Variants in RSPH1 observed in about 807,000 individuals in gnomAD.
RSPH1 encodes radial spoke head component 1.
RSPH1 carries 32 observed loss-of-function variants against 44.2 expected under a neutral mutation model. The observed-to-expected ratio is 0.72, with a 90% CI of 0.55 to 0.97. RSPH1 has a LOEUF of 0.97. Among genes scored for constraint, RSPH1 ranks in the 50% least tolerant of loss-of-function variants. The pLI is 0.00. For missense variants in RSPH1, 391 were observed against 398.7 expected, an observed-to-expected ratio of 0.98 and a Z score of 0.16; for synonymous variants, 134 against 147.3, an observed-to-expected ratio of 0.91 and a Z score of 0.65.
intron 6 of RSPH1, 54 bp from the exon 7 acceptor site, chr21:42,477,498 G>A: frequency 6.3e-7 from 1 of 1,586,716 alleles, no homozygotes; most frequent in Non-Finnish European, 8.6e-7. Context: ...TCTTGGTCTG[G>A]AATATTAAAA....
In RSPH1 at chr21:42,493,076, A is replaced by G. The variant is rs1450235468; in HGVS notation, c.58T>C (p.Tyr20His). 3.1e-6 allele frequency: 5 copies of G among 1,612,666 alleles called. No individual in the cohort carries two copies. The highest frequency in any genetic ancestry group is 4.2e-6 in the Non-Finnish European group (5 of 1,179,250). ...CCTGCCTCATTCCGACCCCCCTCAT[A>G]TTCCTGGGTAATGAAAATTGACACA... ...EEEGENDIGE[Y>H]EGGRNEAGER... The change falls in exon 2 of 9, where the codon TAT becomes CAT. Residue 20 changes from tyrosine (Y) to histidine (H), a missense_variant. By Grantham distance (83) the Tyr-to-His change is moderately conservative. Transcript: ENST00000291536.
chr21:42,478,247 G>A lies in RSPH1; in HGVS notation c.574-803C>T, dbSNP rs544092747. On this transcript the variant is annotated intron_variant, in intron 6 of 8. Transcript: ENST00000291536. ...TGGAACACTTCGCTGCCACATAGGT[G>A]ATAATACCGATGACAGAGAGGGGCA... Among the ~76,000 whole-genome samples the A allele has an allele frequency of 1.7e-4, 26 of 152,382 alleles. 1 individual carries two copies. Among genetic ancestry groups the A allele is most frequent in the Admixed American group, 1.6e-3 (25 of 15,310 alleles).
At chr21:42,485,534 C>T in intron 5 of RSPH1, 135 bp downstream of exon 5, 1 of 976,816 alleles carries the variant, frequency 1.0e-6, no homozygotes, top group Non-Finnish European at 1.5e-6. Flanking sequence ...GCACAGCTGT[C>T]CTGTTCTCCA....
intron 8 of RSPH1, among the ~76,000 whole-genome samples, chr21:42,473,491 A>T (rs911475258): frequency 5.5e-5 from 1 of 18,298 alleles, no homozygotes; most frequent in African/African-American, 1.2e-4. Flanking sequence ...TTCCATCTTA[A>T]AAAAAAAAAA....
intron 6 of RSPH1, among the ~76,000 whole-genome samples, chr21:42,481,092 G>A (rs993029640): frequency 8.5e-5 from 13 of 152,288 alleles, no homozygotes; most frequent in Non-Finnish European, 1.9e-4. Flanking sequence ...GTGGGGCCTG[G>A]TGGGAGGTGT....
chr21:42,487,945 C>T (rs896054442), intron 3 of RSPH1, among the ~76,000 whole-genome samples: 28 of 152,192 alleles, frequency 1.8e-4, no homozygotes, highest in African/African-American at 6.3e-4. Flanking sequence ...AGTGCATGTC[C>T]CCAGGGCGCG....
intron 8 of RSPH1, among the ~76,000 whole-genome samples, chr21:42,475,278 C>A (rs746889290): frequency 7.9e-5 from 12 of 152,164 alleles, no homozygotes; most frequent in Non-Finnish European, 1.3e-4. Flanking sequence ...TGAAACCATA[C>A]TCCTGTTAGT....
intron 4 of RSPH1, chr21:42,486,153 C>T (rs774895354): frequency 1.5e-5 from 9 of 582,978 alleles, no homozygotes; most frequent in Admixed American, 3.0e-5. Context: ...GACTCACGTG[C>T]TCTGCCCCAA....
chr21:42,496,042 G>T, intron 1 of RSPH1, 91 bp downstream of exon 1: 1 of 1,461,968 alleles, frequency 6.8e-7, no homozygotes, highest in Non-Finnish European at 9.6e-7. Context: ...CAGACCTCTG[G>T]TTTCTGCGCC....
Position 42,496,157 on chromosome 21 carries a change from C to A in RSPH1, c.30G>T (p.Glu10Asp). The change falls in exon 1 of 9, where the codon GAG becomes GAT. Residue 10 changes from glutamate to aspartate, a missense_variant. Coordinates refer to ENST00000291536, the MANE Select transcript of RSPH1 (RefSeq NM_080860.4). ...CCCCAATATCATTCTCTCCCTCCTC[C>A]TCCAACTCCTCCGAGCCCAGGTCCG... MSDLGSEEL[E>D]EEGENDIGEY... 6.2e-6 allele frequency: 10 copies of A among 1,614,186 alleles called. No individual in the cohort carries two copies. The highest frequency in any genetic ancestry group is 8.5e-6 in the Non-Finnish European group (10 of 1,180,016).
At chr21:42,489,265 CTGGTTGGTTGGT>C (rs746532824) in intron 3 of RSPH1, among the ~76,000 whole-genome samples, 3 of 130,826 alleles carry the variant, frequency 2.3e-5, no homozygotes, top group East Asian at 2.2e-4. Context: ...GGCTGGTTGG[CTGGTTGGTTGGT>C]TGGTTGGTTG....
chr21:42,493,448 G>A (rs1013869624), intron 1 of RSPH1, among the ~76,000 whole-genome samples: 5 of 152,154 alleles, frequency 3.3e-5, no homozygotes, highest in African/African-American at 7.2e-5. Context: ...TAGTACATGC[G>A]GGTAGAACAG....
At chr21:42,491,685 C>T (rs2054237490) in intron 3 of RSPH1, among the ~76,000 whole-genome samples, 1 of 152,214 alleles carries the variant, frequency 6.6e-6, no homozygotes, top group Non-Finnish European at 1.5e-5. Flanking sequence ...AACCCTCCAT[C>T]TTGGTCTCAG....
In RSPH1 at chr21:42,475,917, G is replaced by A. The variant is rs764562043; in HGVS notation, c.858C>T (p.Phe286=). The change falls in exon 8 of 9, where the codon TTC becomes TTT. Residue 286 remains phenylalanine, a synonymous_variant. Coordinates refer to ENST00000291536, the MANE Select transcript of RSPH1 (RefSeq NM_080860.4). The stretch of plus-strand genomic sequence containing the variant: ...CCTCACCCTCATCCATGTCATAGCG[G>A]AACTCCTCCTGGTCATACTCCCGGC... ...EESREYDQEE[F]RYDMDEGNIN... is the part of the protein sequence containing the mutation. The A allele has an allele frequency of 6.2e-7, 1 of 1,611,088 alleles. No individual in the cohort carries two copies. Among genetic ancestry groups the A allele is most frequent in the South Asian group, 1.1e-5 (1 of 90,588 alleles).
chr21:42,492,268 AG>A (rs1216529986), intron 3 of RSPH1, among the ~76,000 whole-genome samples: 10 of 152,244 alleles, frequency 6.6e-5, no homozygotes. Context: ...TTGGCCTGTA[AG>A]GACTTATGGC....
chr21:42,485,596 C>G, intron 5 of RSPH1, 73 bp downstream of exon 5: 1 of 1,564,950 alleles, frequency 6.4e-7, no homozygotes, highest in Non-Finnish European at 8.8e-7. Context: ...ATTCTCTGGT[C>G]ACACATTTGC....
Position 42,496,116 on chromosome 21 carries a change from T to C in RSPH1, c.54+17A>G. 1.2e-6 allele frequency: 2 copies of C among 1,614,038 alleles called. No individual in the cohort carries two copies. Among genetic ancestry groups the C allele is most frequent in the Non-Finnish European group, 1.7e-6 (2 of 1,179,960 alleles). ...GCTGCGCACCCTGGGAAGCCCTTTCTCACCAGGAGCTCTCACCCCAATATC... is the reference window on the plus strand; with the variant it reads ...GCTGCGCACCCTGGGAAGCCCTTTCCCACCAGGAGCTCTCACCCCAATATC... On this transcript the variant is annotated intron_variant, in intron 1 of 8. Coordinates refer to ENST00000291536, the MANE Select transcript of RSPH1 (RefSeq NM_080860.4).
At chr21:42,489,135 G>T (rs1425828456) in intron 3 of RSPH1, among the ~76,000 whole-genome samples, 2 of 152,010 alleles carry the variant, frequency 1.3e-5, no homozygotes, top group African/African-American at 4.8e-5. Context: ...TTGGCTGGGT[G>T]GTTGGCTAGT....
At chr21:42,489,669 T>A (rs1454585467) in intron 3 of RSPH1, among the ~76,000 whole-genome samples, 2 of 152,120 alleles carry the variant, frequency 1.3e-5, no homozygotes, top group Non-Finnish European at 2.9e-5. Flanking sequence ...CTGGGCAGGG[T>A]TCCGTGCACT....
Sources: gnomAD v4.1 joint callset for allele counts (sites outside exome capture counted in the v4.1 genomes callset) on GRCh38, gnomAD v4.1.1 for gene constraint, MANE v1.5 for transcripts, NCBI Gene and HGNC (gene_info 2026-07-23, HGNC 2026-07-21) for gene names.